Variants in UBXN2A observed in about 807,000 individuals in gnomAD.
The protein encoded by UBXN2A is UBX domain-containing protein 2A.
Under a neutral mutation model 28.4 loss-of-function variants are expected in UBXN2A, and 28 were observed. That is an observed-to-expected ratio of 0.99 (90% CI 0.73 to 1.35). The LOEUF is 1.35. UBXN2A is among the 40% of genes most tolerant of loss of function. The probability of loss-of-function intolerance (pLI) is 0.00; values close to 1 mark genes in which losing one functional copy is unlikely to be tolerated. For synonymous variants in UBXN2A, 97 were observed against 103.6 expected (o/e 0.94, Z 0.39); for missense variants, 253 against 297.9 (o/e 0.85, Z 1.11).
chr2:23,981,803 G>A (rs948044411), intron 4 of UBXN2A, among the ~76,000 whole-genome samples: 7 of 151,896 alleles, frequency 4.6e-5, no homozygotes, highest in Admixed American at 6.6e-5. Flanking sequence ...CAGGAGGATC[G>A]CTTCAGCCCA....
intron 2 of UBXN2A, among the ~76,000 whole-genome samples, chr2:23,965,855 G>A (rs560888987): frequency 3.3e-5 from 5 of 152,188 alleles, no homozygotes; most frequent in South Asian, 2.1e-4. Context: ...CTTCTGTTTC[G>A]GAAGGTTATA....
Position 24,004,081 on chromosome 2 carries a change from TCTAA to T in UBXN2A, c.*4217_*4220del, listed in dbSNP as rs1708761140. The T allele has an allele frequency of 6.6e-6, 1 of 152,232 alleles. No individual in the cohort carries two copies. Among genetic ancestry groups the T allele is most frequent in the Non-Finnish European group, 1.5e-5 (1 of 68,034 alleles). 9.4% of individuals were successfully genotyped at this position (152,232 alleles called of 1,614,324 possible). A position where few individuals can be genotyped will look rare whatever the true frequency, so the allele number is the denominator to read the frequency against. On this transcript the variant is annotated 3_prime_UTR_variant, in exon 7 of 7. Transcript: ENST00000309033. ...TGTTGTCATCAATAACCTTCATTAT[TCTAA>T]CTGTGAAACGTTCATTAATGCGAAT...
chr2:23,984,598 T>C, intron 5 of UBXN2A, 75 bp from the exon 6 acceptor site: 2 of 1,188,090 alleles, frequency 1.7e-6, no homozygotes, highest in Non-Finnish European at 2.2e-6. Context: ...CTATAATATT[T>C]TTATAGTAAT....
At chr2:23,992,303 G>A (rs1171604360) in intron 6 of UBXN2A, among the ~76,000 whole-genome samples, 9 of 151,746 alleles carry the variant, frequency 5.9e-5, no homozygotes, top group Admixed American at 4.6e-4. Flanking sequence ...ACAGGGTTTC[G>A]CCATGTTGGC....
intron 2 of UBXN2A, among the ~76,000 whole-genome samples, chr2:23,961,899 C>A (rs1227072601): frequency 4.6e-5 from 7 of 150,714 alleles, no homozygotes; most frequent in African/African-American, 1.7e-4. Context: ...GGCTGGAGTG[C>A]AGTGGCGTGA....
At chr2:23,963,313 G>A (rs781207857) in intron 2 of UBXN2A, among the ~76,000 whole-genome samples, 3 of 151,828 alleles carry the variant, frequency 2.0e-5, no homozygotes, top group Non-Finnish European at 2.9e-5. Flanking sequence ...TCAGAAGTTC[G>A]AGACCAGCCT....
chr2:24,000,071 C>A lies in UBXN2A; in HGVS notation c.*204C>A. 1 of 514,738 alleles carries A rather than the reference C, an allele frequency of 1.9e-6. No homozygotes were observed. The highest frequency in any genetic ancestry group is 3.4e-6 in the Non-Finnish European group (1 of 295,498). 31.9% of individuals were successfully genotyped at this position (514,738 alleles called of 1,614,324 possible). ...GAAACTATATTCAGTGCACTTTCTC[C>A]AAAAGACTACCCAGAAAAATAGACT... On this transcript the variant is annotated 3_prime_UTR_variant, in exon 7 of 7. Transcript: ENST00000309033.
intron 6 of UBXN2A, among the ~76,000 whole-genome samples, chr2:23,986,313 AAATAAT>A (rs762807980): frequency 2.0e-5 from 3 of 151,718 alleles, no homozygotes; most frequent in African/African-American, 4.8e-5. Flanking sequence ...CCATCTCAAA[AAATAAT>A]AATAATAATA....
intron 1 of UBXN2A, chr2:23,944,434 G>A: frequency 1.1e-6 from 1 of 927,266 alleles, no homozygotes; most frequent in Admixed American, 2.0e-5. Context: ...CTCCACCCTG[G>A]GAAAAGTTCT....
chr2:23,971,738 C>T (rs12614452), intron 3 of UBXN2A, among the ~76,000 whole-genome samples: 18,316 of 151,966 alleles, frequency 0.12, 1,194 homozygotes, highest in Middle Eastern at 0.21. Flanking sequence ...AGTTCTCCTG[C>T]CTTGGTTTCC....
At position 23,990,493 on chromosome 2, in the gene UBXN2A, G is replaced by A. The variant is rs540383464; in HGVS notation, c.584+5662G>A. ...AATCAAAAAATATTTGCAGCTGGGC[G>A]TGGTGGCTCAGGCCTGAAATCCCAG... is the stretch of plus-strand genomic sequence containing the variant. On this transcript the variant is annotated intron_variant, in intron 6 of 6. Transcript: ENST00000309033. Among the ~76,000 whole-genome samples the A allele has an allele frequency of 1.4e-3, 209 of 148,966 alleles. 2 individuals carry two copies. Among genetic ancestry groups the A allele is most frequent in the African/African-American group, 4.5e-3 (180 of 40,446 alleles).
chr2:23,953,591 G>C (rs1706476515), intron 1 of UBXN2A, among the ~76,000 whole-genome samples: 1 of 152,066 alleles, frequency 6.6e-6, no homozygotes, highest in African/African-American at 2.4e-5. Flanking sequence ...TTTTTTTACG[G>C]TTGATTTGTT....
At chr2:23,930,854 A>C (rs1041559394) in intron 1 of UBXN2A, among the ~76,000 whole-genome samples, 3 of 151,978 alleles carry the variant, frequency 2.0e-5, no homozygotes, top group Non-Finnish European at 4.4e-5. Flanking sequence ...CCCCATCTCT[A>C]TAAATTAAAA....
chr2:23,982,836 G>A (rs1337806252), intron 4 of UBXN2A, 60 bp from the exon 5 acceptor site: 1 of 1,515,334 alleles, frequency 6.6e-7, no homozygotes, highest in East Asian at 2.3e-5. Flanking sequence ...TGTACAGAAT[G>A]TTTTTCAGAG....
At chr2:23,956,691 A>G (rs1455942710) in intron 1 of UBXN2A, among the ~76,000 whole-genome samples, 1 of 152,126 alleles carries the variant, frequency 6.6e-6, no homozygotes, top group East Asian at 1.9e-4. Context: ...TCTGGGGTAA[A>G]AGTTTCCATG....
intron 1 of UBXN2A, among the ~76,000 whole-genome samples, chr2:23,949,999 CCCCCCACCCCCACCCCCA>C (rs537739892): frequency 7.8e-6 from 1 of 128,812 alleles, no homozygotes; most frequent in Non-Finnish European, 1.6e-5. Flanking sequence ...TTCTCATCAT[CCCCCCACCCCCACCCCCA>C]CCCCCACCCC....
At chr2:23,975,654 T>C (rs920390514) in intron 3 of UBXN2A, among the ~76,000 whole-genome samples, 1 of 152,176 alleles carries the variant, frequency 6.6e-6, no homozygotes, top group African/African-American at 2.4e-5. Context: ...TTTCGTTTTT[T>C]TAAGATGGCG....
At chr2:23,940,403 C>G (rs1452999242), upstream of UBXN2A, 2 of 140,192 alleles carry the variant, frequency 1.4e-5, no homozygotes, top group Admixed American at 1.6e-4. Flanking sequence ...GCCCCGCCCT[C>G]GGCGCGCCCC....
rs145578886 is a variant in UBXN2A at position 23,955,338 on chromosome 2, G to A, written c.-14-2963G>A. On this transcript the variant is annotated intron_variant, in intron 1 of 6. Coordinates refer to ENST00000309033, the MANE Select transcript of UBXN2A (RefSeq NM_181713.4). The stretch of plus-strand genomic sequence containing the variant: ...AGTTCTGACAAAGTTGGTTCTAAGA[G>A]TTTCTACTTGTCTTTTGATATTTCT... Among the ~76,000 whole-genome samples the A allele has an allele frequency of 4.9e-3, 748 of 152,224 alleles. 9 individuals carry two copies. The highest frequency in any genetic ancestry group is 0.024 in the Middle Eastern group (7 of 294).
Sources: allele counts gnomAD v4.1 joint callset (sites outside exome capture counted in the v4.1 genomes callset), GRCh38; gene constraint gnomAD v4.1.1; transcripts MANE v1.5; gene names NCBI Gene and HGNC (gene_info 2026-07-23, HGNC 2026-07-21).